Variants in JARID2 observed in about 807,000 individuals in gnomAD.
JARID2 encodes protein Jumonji.
In JARID2, 21 loss-of-function variants were observed where a neutral mutation model predicts 125.6. The ratio of observed to expected loss-of-function variants is 0.17; its 90% CI spans 0.12 to 0.24. JARID2 has a LOEUF of 0.24. Among genes scored for constraint, JARID2 ranks in the 10% least tolerant of loss-of-function variants. The pLI is 1.00. For synonymous variants in JARID2, 736 were observed against 661.6 expected, an observed-to-expected ratio of 1.11 and a Z score of -1.73; for missense variants, 1,303 against 1,639.6, an observed-to-expected ratio of 0.79 and a Z score of 3.55.
Position 15,497,080 on chromosome 6 carries a change from C to T in JARID2, c.1855C>T (p.Arg619Trp), listed in dbSNP as rs1770480833. Residue 619 changes from arginine to tryptophan, a missense_variant, in exon 7 of 18, where the codon CGG becomes TGG. Transcript: ENST00000341776. ...TQIQHIHKLG[R>W]RWGPNVQRLA... The stretch of plus-strand genomic sequence containing the variant: ...GATTCAGCACATCCACAAGCTGGGC[C>T]GGCGCTGGGGCCCCAACGTGCAGCG... 2 of 1,596,308 alleles carry T rather than the reference C, an allele frequency of 1.3e-6. No homozygotes were observed. The highest frequency in any genetic ancestry group is 1.7e-6 in the Non-Finnish European group (2 of 1,171,652).
chr6:15,514,375 T>C (rs1298019238), intron 16 of JARID2, among the ~76,000 whole-genome samples: 1 of 152,230 alleles, frequency 6.6e-6, no homozygotes, highest in Non-Finnish European at 1.5e-5. Context: ...ACATCTCCAG[T>C]ACAGAAGCCT....
rs866108564 is a variant in JARID2, at chr6:15,496,787, C to T, written c.1562C>T (p.Ser521Phe). The change falls in exon 7 of 18, where the codon TCC (serine) becomes TTC (phenylalanine). Residue 521 changes from serine (S) to phenylalanine (F), a missense_variant. Transcript: ENST00000341776. ...GCACATGGCAAGGCGGACAGCGCCT[C>T]CTGTGAAAATCGTTCTACCTCGCAA... The part of the protein sequence containing the change: ...RQAHGKADSA[S>F]CENRSTSQPE... 1.9e-6 allele frequency: 3 copies of T among 1,611,860 alleles called. No homozygotes were observed. The highest frequency in any genetic ancestry group is 1.7e-4 in the Middle Eastern group (1 of 6,056).
At chr6:15,306,328 CTTTTTTT>C (rs398000594) in intron 1 of JARID2, among the ~76,000 whole-genome samples, 83 of 99,252 alleles carry the variant, frequency 8.4e-4, no homozygotes, top group South Asian at 6.8e-3. Flanking sequence ...AGTCATATTT[CTTTTTTT>C]TTTTTTTTTT....
chr6:15,282,826 C>A (rs886123373), intron 1 of JARID2, among the ~76,000 whole-genome samples: 10 of 152,152 alleles, frequency 6.6e-5, no homozygotes, highest in Non-Finnish European at 1.5e-4. Context: ...GTTTTGAACT[C>A]CCGACCTCAA....
intron 1 of JARID2, chr6:15,247,700 A>G: frequency 1.0e-6 from 1 of 985,390 alleles, no homozygotes; most frequent in Non-Finnish European, 1.2e-6. Context: ...TTTGTAAAAA[A>G]ATATATTTAA....
At chr6:15,332,524 T>C (rs893735773) in intron 1 of JARID2, among the ~76,000 whole-genome samples, 1 of 152,196 alleles carries the variant, frequency 6.6e-6, no homozygotes, top group Non-Finnish European at 1.5e-5. Flanking sequence ...CTTCCCTGTA[T>C]TTCTGAAGGA....
At chr6:15,378,372 G>T (rs1426179881) in intron 2 of JARID2, among the ~76,000 whole-genome samples, 1 of 151,946 alleles carries the variant, frequency 6.6e-6, no homozygotes, top group East Asian at 1.9e-4. Flanking sequence ...TGCAAGCAAG[G>T]ATGAGAACAT....
rs752815074 is a variant in JARID2, at chr6:15,487,303, C to T, written c.671-4C>T. ...TTCATTCTTGTTTTCTCCTTCCTTT[C>T]TAGTTTTCAATGGTTCCAGCAGGTC... On this transcript the variant is annotated splice_region_variant and splice_polypyrimidine_tract_variant and intron_variant, in intron 5 of 17. Transcript: ENST00000341776. 6.2e-6 allele frequency: 10 copies of T among 1,612,886 alleles called. No individual in the cohort carries two copies. The Admixed American group carries it at 1.7e-4, about 27-fold the overall frequency.
In JARID2 at chr6:15,464,694, C is replaced by A. The variant is rs545937433; in HGVS notation, c.494-3848C>A. Among the ~76,000 whole-genome samples, 3 of 152,330 alleles carry A rather than the reference C, an allele frequency of 2.0e-5. No homozygotes were observed. In the East Asian group the frequency reaches 5.8e-4, roughly 29 times the overall value. On this transcript the variant is annotated intron_variant, in intron 4 of 17. Transcript: ENST00000341776. ...TTATTCTGCTTCAATCCCTTTCCTA[C>A]ACTTTCCCTTTTCCCAGTCTTCCTT...
At chr6:15,248,385 G>T (rs1054092965) in intron 1 of JARID2, 2 of 141,524 alleles carry the variant, frequency 1.4e-5, no homozygotes, top group African/African-American at 2.6e-5. Flanking sequence ...TGGGGCGCGG[G>T]GGTGGCGCGG....
chr6:15,257,225 G>A (rs76197045), intron 1 of JARID2, among the ~76,000 whole-genome samples: 14 of 152,222 alleles, frequency 9.2e-5, no homozygotes, highest in African/African-American at 3.4e-4. Flanking sequence ...TAAAATCCAC[G>A]TGTAATCCCC....
chr6:15,328,546 A>G (rs1005064693), intron 1 of JARID2, among the ~76,000 whole-genome samples: 4 of 152,202 alleles, frequency 2.6e-5, no homozygotes, highest in African/African-American at 9.7e-5. Context: ...ACATTGCTAA[A>G]TTTTATTGAC....
chr6:15,389,433 G>C (rs1764918388), intron 2 of JARID2, among the ~76,000 whole-genome samples: 1 of 152,204 alleles, frequency 6.6e-6, no homozygotes, highest in African/African-American at 2.4e-5. Flanking sequence ...TTCACCAAGG[G>C]ACCCATGCTT....
chr6:15,508,950 T>C lies in JARID2; in HGVS notation c.2846+496T>C, dbSNP rs564832878. The C allele has an allele frequency of 2.2e-5, 28 of 1,288,254 alleles. 1 individual carries two copies. The Admixed American group carries it at 6.4e-4, about 30-fold the overall frequency. 79.8% of individuals were successfully genotyped at this position (1,288,254 alleles called of 1,614,324 possible). Reference sequence around the variant, plus strand: ...GAATATAAACCGTGGTATTTCATGATTGGTTATTTTCAGCCTCTCTGTAGA... The same window carrying C: ...GAATATAAACCGTGGTATTTCATGACTGGTTATTTTCAGCCTCTCTGTAGA... On this transcript the variant is annotated intron_variant, in intron 12 of 17. Transcript: ENST00000341776.
At chr6:15,343,050 T>G (rs914300154) in intron 1 of JARID2, among the ~76,000 whole-genome samples, 1 of 151,990 alleles carries the variant, frequency 6.6e-6, no homozygotes, top group Non-Finnish European at 1.5e-5. Flanking sequence ...GCCAGTGTGG[T>G]GAAACCCCAT....
intron 3 of JARID2, among the ~76,000 whole-genome samples, chr6:15,413,090 G>A (rs2127573522): frequency 7.4e-6 from 1 of 135,146 alleles, no homozygotes; most frequent in Middle Eastern, 4.7e-3. Flanking sequence ...TGCGATCTCG[G>A]CTCACCGCAA....
rs56268949 is a variant in JARID2, at chr6:15,486,806, C to CTTTTTTTTTTTTTTTTTT, written c.671-500_671-483dup. ...CATCTCTTTTAAATCTGAGAATAGA[C>CTTTTTTTTTTTTTTTTTT]TTTTTTTTTTTTTTTTTTGAGACAG... On this transcript the variant is annotated intron_variant, in intron 5 of 17. Coordinates refer to ENST00000341776, the MANE Select transcript of JARID2 (RefSeq NM_004973.4). 7.4e-4 allele frequency among the ~76,000 whole-genome samples: 74 copies of CTTTTTTTTTTTTTTTTTT among 100,514 alleles called. 10 individuals carry two copies. The highest frequency in any genetic ancestry group is 2.9e-3 in the African/African-American group (60 of 20,914). The allele number at this position is 100,514 out of a possible 152,430, so 65.9% of individuals were successfully genotyped here.
intron 2 of JARID2, among the ~76,000 whole-genome samples, chr6:15,404,475 C>T (rs1765566396): frequency 6.6e-6 from 1 of 151,696 alleles, no homozygotes; most frequent in Non-Finnish European, 1.5e-5. Context: ...GGCCCTACCT[C>T]AGCCATGGGG....
At chr6:15,438,598 C>T (rs7757154) in intron 3 of JARID2, among the ~76,000 whole-genome samples, 4,706 of 152,254 alleles carry the variant, frequency 0.031, 238 homozygotes, top group African/African-American at 0.11. Flanking sequence ...TGGCAGCCCC[C>T]GCTTTAAAGA....
Sources: gnomAD v4.1 joint callset for allele counts (sites outside exome capture counted in the v4.1 genomes callset) on GRCh38, gnomAD v4.1.1 for gene constraint, MANE v1.5 for transcripts, NCBI Gene and HGNC (gene_info 2026-07-23, HGNC 2026-07-21) for gene names.